The following INSL6 variants were observed in gnomAD, a reference collection of about 807,000 sequenced individuals.
The protein encoded by INSL6 is insulin-like peptide INSL6.
INSL6 carries 16 observed loss-of-function variants against 9.4 expected under a neutral mutation model. The ratio of observed to expected loss-of-function variants is 1.70; its 90% CI spans 1.15 to 2.59. The LOEUF (loss-of-function observed/expected upper bound fraction) is 2.59. Among genes scored for constraint, INSL6 ranks in the 30% most tolerant of loss-of-function variants. The pLI, the probability that INSL6 is intolerant of heterozygous loss-of-function variation, is 0.00. For missense variants in INSL6, 391 were observed against 257.3 expected, an observed-to-expected ratio of 1.52 and a Z score of -3.56; for synonymous variants, 154 against 96.9, an observed-to-expected ratio of 1.59 and a Z score of -3.46.
At chr9:5,054,658 T>C in the INSL6 span, 1 of 1,613,340 alleles carries the variant, frequency 6.2e-7, no homozygotes, top group East Asian at 2.2e-5. The surrounding 1 kb of genome is among the most constrained non-coding windows in gnomAD (Gnocchi z 4.9). Context: ...CGCAGATTTA[T>C]TCAGCAATTC....
the INSL6 span, chr9:5,090,417 A>C: frequency 6.8e-7 from 1 of 1,478,892 alleles, no homozygotes; most frequent in South Asian, 1.4e-5. Context: ...TGGCAGAGTA[A>C]AACATTATTT....
At chr9:5,103,575 T>C in the INSL6 span, among the ~76,000 whole-genome samples, 3 of 152,294 alleles carry the variant, frequency 2.0e-5, no homozygotes, top group East Asian at 1.9e-4. Context: ...GTGAACCTAA[T>C]AGACATCTAC....
At chr9:5,119,691 G>A (rs924403679), downstream of INSL6, among the ~76,000 whole-genome samples, 1 of 152,074 alleles carries the variant, frequency 6.6e-6, no homozygotes, top group Non-Finnish European at 1.5e-5. Context: ...TGTGTTAGGG[G>A]GAGGTATGAA....
chr9:5,115,777 T>C, the INSL6 span, among the ~76,000 whole-genome samples: 1 of 152,148 alleles, frequency 6.6e-6, no homozygotes, highest in East Asian at 1.9e-4. Context: ...AAGATGAAGC[T>C]AGAAACCATA....
chr9:5,060,413 CCT>C, the INSL6 span, among the ~76,000 whole-genome samples: 3 of 152,166 alleles, frequency 2.0e-5, no homozygotes, highest in African/African-American at 7.2e-5. Context: ...ATGAGTCAGT[CCT>C]CTCAAACCCT....
At chr9:5,148,965 T>G (rs1315875026) in intron 2 of INSL6, among the ~76,000 whole-genome samples, 1 of 152,190 alleles carries the variant, frequency 6.6e-6, no homozygotes, top group Non-Finnish European at 1.5e-5. Context: ...CAGGCCCTGT[T>G]CTCTCCCCAG....
chr9:5,080,954 G>T, the INSL6 span, among the ~76,000 whole-genome samples: 7 of 142,034 alleles, frequency 4.9e-5, no homozygotes, highest in Admixed American at 2.9e-4. Context: ...GGAGTGCAGT[G>T]GCGCGATCTC....
chr9:5,160,865 T>C (rs1237365112), downstream of INSL6, among the ~76,000 whole-genome samples: 1 of 152,086 alleles, frequency 6.6e-6, no homozygotes, highest in Non-Finnish European at 1.5e-5. Context: ...CCTATACACA[T>C]ACAACTTACC....
the INSL6 span, among the ~76,000 whole-genome samples, chr9:4,994,685 T>A: frequency 6.6e-6 from 1 of 152,184 alleles, no homozygotes; most frequent in Non-Finnish European, 1.5e-5. Flanking sequence ...TCATAAAGCT[T>A]TATTTACATA....
At position 5,185,366 on chromosome 9, in the gene INSL6, C is replaced by T; in HGVS notation, c.237G>A (p.Gln79=). The T allele has an allele frequency of 6.2e-7, 1 of 1,614,124 alleles. No homozygotes were observed. Among genetic ancestry groups the T allele is most frequent in the Non-Finnish European group, 8.5e-7 (1 of 1,180,020 alleles). The change falls in exon 1 of 2, where the codon CAG becomes CAA. Residue 79 remains glutamine, a synonymous_variant. Transcript: ENST00000381641. ...SEKVEAYSPY[Q]FESPQTASPA... ...GGGAAGCGGTTTGCGGGCTTTCGAACTGGTATGGGCTGTAGGCTTCGACCT... is the reference window on the plus strand; with the variant it reads ...GGGAAGCGGTTTGCGGGCTTTCGAATTGGTATGGGCTGTAGGCTTCGACCT...
chr9:5,169,301 G>A (rs1264327446), intron 1 of INSL6, among the ~76,000 whole-genome samples: 1 of 152,102 alleles, frequency 6.6e-6, no homozygotes, highest in African/African-American at 2.4e-5. Flanking sequence ...AAGAAATAAA[G>A]GATTTTCCAA....
the INSL6 span, chr9:5,086,159 G>C: frequency 1.1e-5 from 4 of 355,694 alleles, no homozygotes; most frequent in South Asian, 4.9e-5. Flanking sequence ...CTCGGGGAGC[G>C]GTCTCCACGC....
the INSL6 span, among the ~76,000 whole-genome samples, chr9:5,063,897 C>G: frequency 2.0e-5 from 3 of 152,212 alleles, no homozygotes; most frequent in Admixed American, 2.0e-4. Flanking sequence ...GTGACTCACG[C>G]GTGTAATCCC....
At chr9:5,179,460 A>C (rs542570688) in intron 1 of INSL6, among the ~76,000 whole-genome samples, 1 of 152,298 alleles carries the variant, frequency 6.6e-6, no homozygotes, top group African/African-American at 2.4e-5. Context: ...ACCTAGAGGC[A>C]GAAATACCAT....
chr9:5,028,745 C>A, the INSL6 span, among the ~76,000 whole-genome samples: 6 of 152,174 alleles, frequency 3.9e-5, no homozygotes, highest in Non-Finnish European at 8.8e-5. Context: ...TTTTCTTAAA[C>A]CTCATGAACC....
the INSL6 span, among the ~76,000 whole-genome samples, chr9:5,105,316 A>G: frequency 1.3e-5 from 2 of 152,210 alleles, no homozygotes; most frequent in African/African-American, 4.8e-5. Flanking sequence ...ATTGCTACAA[A>G]GAGAATAAAA....
intron 2 of INSL6, among the ~76,000 whole-genome samples, chr9:5,158,022 G>A (rs1460065514): frequency 2.0e-5 from 3 of 152,082 alleles, no homozygotes; most frequent in African/African-American, 7.2e-5. Context: ...GAATAAAGCA[G>A]AAATTCTGGA....
the INSL6 span, among the ~76,000 whole-genome samples, chr9:5,061,980 GA>G: frequency 6.6e-6 from 1 of 152,150 alleles, no homozygotes; most frequent in Non-Finnish European, 1.5e-5. Flanking sequence ...AAAAGAAAGG[GA>G]AATAGCTATT....
intron 2 of INSL6, among the ~76,000 whole-genome samples, chr9:5,141,004 C>T (rs1179143631): frequency 1.3e-5 from 2 of 152,000 alleles, no homozygotes; most frequent in Non-Finnish European, 2.9e-5. Flanking sequence ...GGATAATGGC[C>T]TCTAGCTCCA....
Sources: gnomAD v4.1 joint callset for allele counts (sites outside exome capture counted in the v4.1 genomes callset) on GRCh38, gnomAD v4.1.1 for gene constraint, Gnocchi (gnomAD v3.1) non-coding constraint, MANE v1.5 for transcripts, NCBI Gene and HGNC (gene_info 2026-07-23, HGNC 2026-07-21) for gene names.